The following CACNA1A variants were observed in gnomAD, a reference collection of about 807,000 sequenced individuals.
CACNA1A encodes the protein calcium voltage-gated channel subunit alpha1 A, also known as voltage-dependent P/Q-type calcium channel subunit alpha-1A.
A neutral mutation model predicts 262.4 loss-of-function variants in CACNA1A; 57 were observed. The observed-to-expected ratio is 0.22, with a 90% CI of 0.18 to 0.27. CACNA1A has a LOEUF of 0.27. Ranked by LOEUF, CACNA1A falls within the 10% of genes least tolerant of loss-of-function variation. The probability of loss-of-function intolerance (pLI) is 1.00; values close to 1 mark genes in which losing one functional copy is unlikely to be tolerated. For synonymous variants in CACNA1A, 1,431 were observed against 1,419.3 expected (o/e 1.01, Z -0.18); for missense variants, 2,526 against 3,562.8 (o/e 0.71, Z 7.41).
In CACNA1A at chr19:13,252,985, A is replaced by T. The variant is rs757178835; in HGVS notation, c.4866+6T>A. The T allele has an allele frequency of 6.3e-6, 10 of 1,586,220 alleles. No individual in the cohort carries two copies. The South Asian group carries it at 7.7e-5, about 12-fold the overall frequency. On this transcript the variant is annotated splice_donor_region_variant and intron_variant, in intron 30 of 46. Transcript: ENST00000360228. ...CCCATAGCTGTAGCCCCAAGGTGGT[A>T]CTTACCAGAATCCCAAAAGCCATGA...
intron 27 of CACNA1A, 93 bp downstream of exon 27, chr19:13,259,471 C>T: frequency 3.1e-6 from 4 of 1,311,424 alleles, no homozygotes; most frequent in African/African-American, 1.5e-5. Flanking sequence ...CATGCCCGGC[C>T]TCCAAGACCT....
intron 1 of CACNA1A, among the ~76,000 whole-genome samples, chr19:13,497,920 T>G (rs1268080151): frequency 6.6e-6 from 1 of 151,838 alleles, no homozygotes; most frequent in Non-Finnish European, 1.5e-5. Flanking sequence ...GAGCTGAGAT[T>G]TGCAGCCAGG....
In CACNA1A at chr19:13,497,562, ATATATATATATAT is replaced by A. The variant is rs1568709986; in HGVS notation, c.293+8357_293+8369del. The stretch of plus-strand genomic sequence containing the variant: ...TATATATATATATATATATATATAT[ATATATATATATAT>A]ATATAAATTTATGTTGTTAAAGCTG... On this transcript the variant is annotated intron_variant, in intron 1 of 46. Coordinates refer to ENST00000360228, the MANE Select transcript of CACNA1A (RefSeq NM_001127222.2). 3.8e-4 allele frequency among the ~76,000 whole-genome samples: 16 copies of A among 41,834 alleles called. 1 individual carries two copies. The highest frequency in any genetic ancestry group is 4.8e-4 in the African/African-American group (5 of 10,498). 27.4% of individuals were successfully genotyped at this position (41,834 alleles called of 152,430 possible).
chr19:13,351,959 TATCA>T (rs992770403), intron 6 of CACNA1A, among the ~76,000 whole-genome samples: 8 of 152,174 alleles, frequency 5.3e-5, no homozygotes, highest in Non-Finnish European at 1.0e-4. Context: ...ATTATTGATG[TATCA>T]ATCAATCAAT....
At chr19:13,492,725 G>GA (rs1417071512) in intron 1 of CACNA1A, among the ~76,000 whole-genome samples, 5 of 152,126 alleles carry the variant, frequency 3.3e-5, no homozygotes, top group South Asian at 2.1e-4. Flanking sequence ...ATTTCCTTTG[G>GA]AAAAAAACAA....
chr19:13,488,989 ATTTCT>A (rs1191195955), intron 1 of CACNA1A, among the ~76,000 whole-genome samples: 1,406 of 117,008 alleles, frequency 0.012, 36 homozygotes, highest in African/African-American at 0.049. Flanking sequence ...ATTGTAATTA[ATTTCT>A]TTTCTTTTCT....
chr19:13,338,609 C>G (rs2058619144), intron 6 of CACNA1A, among the ~76,000 whole-genome samples: 1 of 152,070 alleles, frequency 6.6e-6, no homozygotes, highest in Admixed American at 6.5e-5. Flanking sequence ...TAACGTCAAG[C>G]AAAAGAAGCC....
At chr19:13,400,860 T>C (rs2059888631) in intron 3 of CACNA1A, among the ~76,000 whole-genome samples, 3 of 152,154 alleles carry the variant, frequency 2.0e-5, no homozygotes, top group African/African-American at 2.4e-5. Context: ...AGTCTTGCTC[T>C]GTCATTCAAG....
At chr19:13,389,683 C>T (rs2059679474) in intron 3 of CACNA1A, among the ~76,000 whole-genome samples, 1 of 152,180 alleles carries the variant, frequency 6.6e-6, no homozygotes, top group Admixed American at 6.5e-5. Context: ...GCTTTTCAGA[C>T]TTCACTTCCC....
chr19:13,213,362 G>C (rs957895577), intron 40 of CACNA1A, among the ~76,000 whole-genome samples: 1 of 152,028 alleles, frequency 6.6e-6, no homozygotes, highest in Non-Finnish European at 1.5e-5. Flanking sequence ...TCTCAGGGAG[G>C]CTCCCCAACT....
rs33920209 is a variant in CACNA1A at position 13,217,927 on chromosome 19, CTTT to C, written c.5732-3322_5732-3320del. Reference sequence around the variant, plus strand: ...CTTGGGCCACACTGTATAGTTCATTCTTTTTTTTTTTTTTTTTTTTTTTTAAAA... The same window carrying C: ...CTTGGGCCACACTGTATAGTTCATTCTTTTTTTTTTTTTTTTTTTTTAAAA... On this transcript the variant is annotated intron_variant, in intron 38 of 46. Coordinates refer to ENST00000360228, the MANE Select transcript of CACNA1A (RefSeq NM_001127222.2). 9.9e-3 allele frequency among the ~76,000 whole-genome samples: 903 copies of C among 91,440 alleles called. 8 individuals are homozygous for C. Among genetic ancestry groups the C allele is most frequent in the African/African-American group, 0.028 (623 of 22,508 alleles). The allele number at this position is 91,440 out of a possible 152,430, so 60.0% of individuals were successfully genotyped here. A position where few individuals can be genotyped will look rare whatever the true frequency, so the allele number is the denominator to read the frequency against.
chr19:13,401,961 G>A (rs550618871), intron 3 of CACNA1A, among the ~76,000 whole-genome samples: 7 of 152,188 alleles, frequency 4.6e-5, no homozygotes, highest in Non-Finnish European at 1.0e-4. Context: ...ACAGGCATAA[G>A]CCACCACATC....
At position 13,386,013 on chromosome 19, in the gene CACNA1A, C is replaced by T. The variant is rs375396689; in HGVS notation, c.540-14234G>A. On this transcript the variant is annotated intron_variant, in intron 3 of 46. Transcript: ENST00000360228. ...CTCTACAAAAAATATAAAAATTAGC[C>T]GGCCATGGTGGTACACTCCTCCAGC... Among the ~76,000 whole-genome samples the T allele has an allele frequency of 2.2e-4, 34 of 151,978 alleles. No individual in the cohort carries two copies. The East Asian group carries it at 4.9e-3, about 22-fold the overall frequency.
intron 3 of CACNA1A, among the ~76,000 whole-genome samples, chr19:13,402,173 A>G (rs2059909178): frequency 6.6e-6 from 1 of 152,210 alleles, no homozygotes; most frequent in African/African-American, 2.4e-5. Flanking sequence ...CCTCTCCTTC[A>G]TACCTTTCCT....
rs1262032125 is a variant in CACNA1A at position 13,283,253 on chromosome 19, T to C, written c.3822+14A>G. On this transcript the variant is annotated intron_variant, in intron 22 of 46. Transcript: ENST00000360228. ...GCAGCCAGGCTAGGAAGGGGTGTGC[T>C]CTGTGGGACTCACGTTGTTCCGAGG... The C allele has an allele frequency of 2.5e-6, 4 of 1,613,004 alleles. 1 individual carries two copies. The highest frequency in any genetic ancestry group is 3.3e-5 in the Admixed American group (2 of 59,996).
chr19:13,402,195 A>G (rs1197904420), intron 3 of CACNA1A, among the ~76,000 whole-genome samples: 1 of 152,232 alleles, frequency 6.6e-6, no homozygotes, highest in Admixed American at 6.5e-5. Flanking sequence ...TGAGTTGGCA[A>G]ATAAGCTGGG....
rs1038492124 is a variant in CACNA1A, at chr19:13,248,504, C to G, written c.4867-3239G>C. Among the ~76,000 whole-genome samples the G allele has an allele frequency of 2.0e-5, 3 of 150,956 alleles. No individual in the cohort carries two copies. In the East Asian group the frequency reaches 5.8e-4, roughly 29 times the overall value. ...AGGGTGAGGGAGATGCAGCTCCAGG[C>G]CCCAGTGGAAGACTCACTTCACCAG... On this transcript the variant is annotated intron_variant, in intron 30 of 46. Transcript: ENST00000360228.
At chr19:13,416,746 C>A (rs953836235) in intron 3 of CACNA1A, among the ~76,000 whole-genome samples, 1 of 152,070 alleles carries the variant, frequency 6.6e-6, no homozygotes, top group African/African-American at 2.4e-5. Context: ...ATCCAGGAGG[C>A]GGAGGTGGCA....
intron 6 of CACNA1A, among the ~76,000 whole-genome samples, chr19:13,356,954 C>G (rs993321972): frequency 6.6e-6 from 1 of 152,180 alleles, no homozygotes; most frequent in Non-Finnish European, 1.5e-5. Context: ...GGTTTTCATG[C>G]AAATTAGAAC....
Sources: gnomAD v4.1 joint callset for allele counts (sites outside exome capture counted in the v4.1 genomes callset) on GRCh38, gnomAD v4.1.1 for gene constraint, MANE v1.5 for transcripts, NCBI Gene and HGNC (gene_info 2026-07-23, HGNC 2026-07-21) for gene names.